C12orf42: variants seen among roughly 807,000 people sequenced by gnomAD.
C12orf42 encodes the protein uncharacterized protein C12orf42.
A neutral mutation model predicts 21.6 loss-of-function variants in C12orf42; 25 were observed. The observed-to-expected ratio is 1.16, with a 90% CI of 0.84 to 1.62. The LOEUF is 1.62. C12orf42 is among the 40% of genes most tolerant of loss of function. C12orf42 has a pLI of 0.00. For synonymous variants in C12orf42, 174 were observed against 175.0 expected (o/e 0.99, Z 0.05); for missense variants, 483 against 459.3 (o/e 1.05, Z -0.47).
chr12:103,101,900 G>A, the C12orf42 span, among the ~76,000 whole-genome samples: 1 of 152,222 alleles, frequency 6.6e-6, no homozygotes, highest in African/African-American at 2.4e-5. Flanking sequence ...TATCTCTGCT[G>A]CATGTAGTCT....
chr12:103,544,779 C>T, the C12orf42 span, among the ~76,000 whole-genome samples: 1 of 152,178 alleles, frequency 6.6e-6, no homozygotes, highest in Non-Finnish European at 1.5e-5. Context: ...GTCTAATCCA[C>T]TGTTAAATCC....
the C12orf42 span, among the ~76,000 whole-genome samples, chr12:103,097,600 T>A: frequency 6.6e-6 from 1 of 152,224 alleles, no homozygotes; most frequent in Non-Finnish European, 1.5e-5. Flanking sequence ...GATGGTTCCC[T>A]GGCCAACATA....
the C12orf42 span, among the ~76,000 whole-genome samples, chr12:103,118,536 T>C: frequency 0.56 from 84,524 of 151,188 alleles, 24,607 homozygotes; most frequent in East Asian, 0.78. Flanking sequence ...CGGTGGCTCA[T>C]GCCTGTAATC....
intron 1 of C12orf42, among the ~76,000 whole-genome samples, chr12:103,488,826 T>C (rs1955005868): frequency 6.6e-6 from 1 of 152,220 alleles, no homozygotes; most frequent in Admixed American, 6.5e-5. Context: ...TTCTCTACAC[T>C]GTTTATTCTA....
chr12:103,285,811 A>G (rs1326791231), intron 4 of C12orf42, among the ~76,000 whole-genome samples: 1 of 152,242 alleles, frequency 6.6e-6, no homozygotes, highest in Non-Finnish European at 1.5e-5. Flanking sequence ...CAAACATTGA[A>G]GTAGATATAA....
intron 3 of C12orf42, among the ~76,000 whole-genome samples, chr12:103,373,961 G>T (rs1593677873): frequency 6.6e-6 from 1 of 152,288 alleles, no homozygotes; most frequent in African/African-American, 2.4e-5. Context: ...TGCCCTGTGT[G>T]ATTTTAATCA....
At chr12:103,462,093 T>C (rs1952747612) in intron 2 of C12orf42, among the ~76,000 whole-genome samples, 1 of 123,318 alleles carries the variant, frequency 8.1e-6, no homozygotes, top group South Asian at 2.7e-4. Context: ...TGTTTTTTGC[T>C]TGGTTTTTTT....
chr12:103,242,686 A>G (rs1023423673), intron 10 of C12orf42, among the ~76,000 whole-genome samples: 3 of 152,176 alleles, frequency 2.0e-5, no homozygotes, highest in Non-Finnish European at 4.4e-5. Context: ...GAATAGAAAT[A>G]AATGGCAATC....
exon 7 of C12orf42, chr12:103,268,678 A>G (rs1339759882): frequency 6.6e-6 from 1 of 152,116 alleles, no homozygotes; most frequent in Non-Finnish European, 1.5e-5. Context: ...TTAAGCACTT[A>G]TGAAATTGAT....
chr12:103,196,366 T>C, the C12orf42 span, among the ~76,000 whole-genome samples: 1 of 152,088 alleles, frequency 6.6e-6, no homozygotes, highest in Admixed American at 6.5e-5. Context: ...ATGTGGTTGA[T>C]TTTAGAGTAT....
At chr12:103,530,168 C>T in the C12orf42 span, among the ~76,000 whole-genome samples, 1 of 152,138 alleles carries the variant, frequency 6.6e-6, no homozygotes, top group Non-Finnish European at 1.5e-5. Context: ...AGAGATTCCT[C>T]TGAAAAGAGA....
intron 4 of C12orf42, among the ~76,000 whole-genome samples, chr12:103,317,591 A>T (rs1477338554): frequency 1.3e-5 from 2 of 152,222 alleles, no homozygotes; most frequent in African/African-American, 4.8e-5. Context: ...GGATACATTG[A>T]TTCATTGAAT....
At chr12:103,392,497 A>G (rs1226567550) in intron 3 of C12orf42, among the ~76,000 whole-genome samples, 2 of 152,138 alleles carry the variant, frequency 1.3e-5, no homozygotes, top group African/African-American at 4.8e-5. Context: ...GTCATCTTTA[A>G]TGTCTTTCAG....
At chr12:103,507,171 ATT>A in the C12orf42 span, among the ~76,000 whole-genome samples, 2 of 25,092 alleles carry the variant, frequency 8.0e-5, no homozygotes, top group Non-Finnish European at 1.0e-4. Context: ...TATAATATAT[ATT>A]TATATTATAT....
chr12:103,426,056 C>T (rs1269875065), intron 2 of C12orf42, among the ~76,000 whole-genome samples: 2 of 152,198 alleles, frequency 1.3e-5, no homozygotes, highest in South Asian at 2.1e-4. Context: ...CGCCTCTTCT[C>T]CAAAGGATCA....
intron 2 of C12orf42, among the ~76,000 whole-genome samples, chr12:103,426,586 C>T (rs141640728): frequency 0.013 from 1,919 of 152,242 alleles, 34 homozygotes; most frequent in African/African-American, 0.044. Context: ...GACAGGCCAA[C>T]ATTCAAATTC....
chr12:103,312,343 T>C (rs1468967645), intron 4 of C12orf42, among the ~76,000 whole-genome samples: 1 of 152,236 alleles, frequency 6.6e-6, no homozygotes, highest in Non-Finnish European at 1.5e-5. Flanking sequence ...CAAGTGGTCA[T>C]GGTGCTAACA....
At chr12:103,513,616 T>A in the C12orf42 span, among the ~76,000 whole-genome samples, 4 of 152,234 alleles carry the variant, frequency 2.6e-5, no homozygotes, top group African/African-American at 9.6e-5. Context: ...TCTCTGAGTA[T>A]AAGTTATAAT....
intron 1 of C12orf42, among the ~76,000 whole-genome samples, chr12:103,482,999 C>A (rs945529345): frequency 2.6e-5 from 4 of 152,070 alleles, no homozygotes; most frequent in Admixed American, 6.6e-5. Flanking sequence ...TAGTTTTGAA[C>A]TTATTTTTCC....
Sources: allele counts gnomAD v4.1 joint callset (sites outside exome capture counted in the v4.1 genomes callset), GRCh38; gene constraint gnomAD v4.1.1; transcripts MANE v1.5; gene names NCBI Gene and HGNC (gene_info 2026-07-23, HGNC 2026-07-21).